DACT2: variants seen among roughly 807,000 people sequenced by gnomAD.
The protein encoded by DACT2 is dapper homolog 2.
In DACT2, 20 loss-of-function variants were observed where a neutral mutation model predicts 22.2. The ratio of observed to expected loss-of-function variants is 0.90; its 90% confidence interval spans 0.63 to 1.31. The LOEUF is 1.31. DACT2 is among the 50% of genes most tolerant of loss of function. The pLI, the probability that DACT2 is intolerant of heterozygous loss-of-function variation, is 0.00. For synonymous variants in DACT2, 463 were observed against 479.8 expected, an observed-to-expected ratio of 0.96 and a Z score of 0.46; for missense variants, 1,048 against 1,061.4, an observed-to-expected ratio of 0.99 and a Z score of 0.18.
intron 1 of DACT2, among the ~76,000 whole-genome samples, chr6:168,311,693 CAT>C (rs1443367416): frequency 4.6e-5 from 7 of 152,094 alleles, no homozygotes; most frequent in African/African-American, 7.2e-5. Context: ...CACACACACA[CAT>C]ACACACATGG....
downstream of DACT2, among the ~76,000 whole-genome samples, chr6:168,305,120 G>A (rs920028574): frequency 6.6e-6 from 1 of 152,144 alleles, no homozygotes; most frequent in Non-Finnish European, 1.5e-5. Context: ...GAGAGAGGAT[G>A]GAGAGACAAG....
At position 168,307,821 on chromosome 6, in the gene DACT2, C is replaced by T. The variant is rs73789362; in HGVS notation, c.1936G>A (p.Gly646Ser). The change falls in exon 4 of 4, where the codon GGC (glycine) becomes AGC (serine). Residue 646 changes from glycine (G) to serine (S), a missense_variant. Gly to Ser is a moderately conservative substitution (Grantham distance 56). Coordinates refer to ENST00000366795, the MANE Select transcript of DACT2 (RefSeq NM_214462.5). The surrounding 1 kb of genome is among the most constrained non-coding windows in gnomAD (Gnocchi z 5.3). ...TCCTGGCGGACCAGTGAGGGACGGCCCCGGGCCAGTGGGCCACCTGCTCTC... is the reference window on the plus strand; with the variant it reads ...TCCTGGCGGACCAGTGAGGGACGGCTCCGGGCCAGTGGGCCACCTGCTCTC... ...ARRAGGPLAR[G>S]RPSLVRQDAY... 5.8e-6 allele frequency: 9 copies of T among 1,539,300 alleles called. No individual in the cohort carries two copies. In the South Asian group the frequency reaches 1.1e-4, roughly 18 times the overall value.
In DACT2 at chr6:168,319,505, T is replaced by A; in HGVS notation, c.129A>T (p.Val43=). 1 of 1,321,584 alleles carries A rather than the reference T, an allele frequency of 7.6e-7. No individual in the cohort carries two copies. The highest frequency in any genetic ancestry group is 9.7e-7 in the Non-Finnish European group (1 of 1,028,644). 81.9% of individuals were successfully genotyped at this position (1,321,584 alleles called of 1,614,324 possible). The change falls in exon 1 of 4, where the codon GTA becomes GTT. Residue 43 remains valine, a synonymous_variant. Coordinates refer to ENST00000366795, the MANE Select transcript of DACT2 (RefSeq NM_214462.5). ...QGLRATQQER[V]RGALALQPPP... The stretch of plus-strand genomic sequence containing the variant: ...GGGGCTGCAGGGCCAGGGCGCCCCG[T>A]ACCCGCTCCTGCTGCGTGGCTCGCA...
In DACT2 at chr6:168,308,187, C is replaced by A. The variant is rs562854255; in HGVS notation, c.1570G>T (p.Ala524Ser). The A allele has an allele frequency of 2.6e-6, 4 of 1,551,434 alleles. No individual in the cohort carries two copies. In the South Asian group the frequency reaches 4.8e-5, roughly 18 times the overall value. The change falls in exon 4 of 4, where the codon GCC becomes TCC. Residue 524 changes from alanine (A) to serine (S), a missense_variant. Physicochemically the swap from Ala to Ser is moderately conservative, Grantham distance 99 (BLOSUM62 1). Coordinates refer to ENST00000366795, the MANE Select transcript of DACT2 (RefSeq NM_214462.5). ...AGGGATGGCTGGGGGGCTGCATGGG[C>A]TCCCTCAGGCCTGTCCAGTAGAAGC... is the stretch of plus-strand genomic sequence containing the variant. ...PLLLLDRPEGAHAAPQPSLEW... is the reference protein window; with the variant it reads ...PLLLLDRPEGSHAAPQPSLEW...
intron 1 of DACT2, among the ~76,000 whole-genome samples, chr6:168,311,820 C>T (rs1779427478): frequency 1.3e-5 from 2 of 152,208 alleles, no homozygotes; most frequent in Admixed American, 1.3e-4. Context: ...AACAACACCT[C>T]CTTTTGGCAG....
Position 168,308,814 on chromosome 6 carries a change from T to C in DACT2, c.943A>G (p.Asn315Asp). 6.4e-7 allele frequency: 1 copy of C among 1,551,396 alleles called. No individual in the cohort carries two copies. The highest frequency in any genetic ancestry group is 1.2e-5 in the South Asian group (1 of 84,056). Reference protein sequence around the residue: ...RESPRGPAGLNTIQTGPVLEA... With the variant: ...RESPRGPAGLDTIQTGPVLEA... ...AGGACCGGCCCAGTCTGGATGGTGT[T>C]CAGACCTGCGGGGCCCCTGGGGCTC... Residue 315 changes from asparagine (N) to aspartate (D), a missense_variant, in exon 4 of 4, where the codon AAC becomes GAC. Coordinates refer to ENST00000366795, the MANE Select transcript of DACT2 (RefSeq NM_214462.5).
chr6:168,311,252 C>T lies in DACT2; in HGVS notation c.279G>A (p.Lys93=), dbSNP rs1489419674. ...GCAGGTCCAGCTGGTCCAGGTGGGT[C>T]TTCAGGCCGATGTCCTGTTGTCTCA... is the stretch of plus-strand genomic sequence containing the variant. ...SRLRQQDIGL[K]THLDQLDLQI... Residue 93 remains lysine (K), a synonymous_variant, in exon 2 of 4, where the codon AAG becomes AAA. Coordinates refer to ENST00000366795, the MANE Select transcript of DACT2 (RefSeq NM_214462.5). 6.4e-7 allele frequency: 1 copy of T among 1,550,558 alleles called. No homozygotes were observed. The highest frequency in any genetic ancestry group is 2.4e-5 in the East Asian group (1 of 40,880).
chr6:168,316,054 C>G (rs952550441), intron 1 of DACT2, among the ~76,000 whole-genome samples: 2 of 152,232 alleles, frequency 1.3e-5, no homozygotes, highest in African/African-American at 4.8e-5. Context: ...AAAACAAAGT[C>G]TGCGTGTTCC....
chr6:168,295,715 T>C (rs911918391), intron 3 of DACT2, among the ~76,000 whole-genome samples: 1 of 152,214 alleles, frequency 6.6e-6, no homozygotes, highest in Non-Finnish European at 1.5e-5. Context: ...CAGAGGCTTT[T>C]CACTTGACAA....
At chr6:168,304,787 G>C (rs1779171189), downstream of DACT2, among the ~76,000 whole-genome samples, 1 of 152,216 alleles carries the variant, frequency 6.6e-6, no homozygotes. Context: ...GGCCAGGCGG[G>C]ATGGGAACTG....
chr6:168,305,591 G>C (rs1342707516), downstream of DACT2, among the ~76,000 whole-genome samples: 5 of 140,812 alleles, frequency 3.6e-5, no homozygotes, highest in South Asian at 9.4e-4. Context: ...GAACTTCCTA[G>C]CCACGTCTTC....
chr6:168,311,829 AG>A (rs1779427857), intron 1 of DACT2, among the ~76,000 whole-genome samples: 1 of 152,230 alleles, frequency 6.6e-6, no homozygotes, highest in Admixed American at 6.5e-5. Flanking sequence ...TCCTTTTGGC[AG>A]ACAGGAACTA....
downstream of DACT2, among the ~76,000 whole-genome samples, chr6:168,302,456 G>A (rs1779128330): frequency 6.6e-6 from 1 of 152,160 alleles, no homozygotes; most frequent in Admixed American, 6.5e-5. Context: ...CATTTCCAGG[G>A]CACCTTTTGA....
chr6:168,300,109 G>T, intron 3 of DACT2: 1 of 152,414 alleles, frequency 6.6e-6, no homozygotes. Flanking sequence ...AGGCCAATGC[G>T]CTGGAGGCAC....
chr6:168,311,215 G>T lies in DACT2; in HGVS notation c.316C>A (p.Leu106Met). ...LDQLDLQISK[L>M]QLDVGTASGE... ...GAGGCTGTGCCCACATCCAGCTGCA[G>T]CTTGCTAATCTGCAGGTCCAGCTGG... Residue 106 changes from leucine (L) to methionine (M), a missense_variant, in exon 2 of 4, where the codon CTG becomes ATG. Coordinates refer to ENST00000366795, the MANE Select transcript of DACT2 (RefSeq NM_214462.5). 1 of 1,550,474 alleles carries T rather than the reference G, an allele frequency of 6.4e-7. No individual in the cohort carries two copies. The highest frequency in any genetic ancestry group is 2.0e-5 in the Admixed American group (1 of 50,980).
At chr6:168,302,612 C>CTATG (rs1779130491), downstream of DACT2, among the ~76,000 whole-genome samples, 1 of 152,164 alleles carries the variant, frequency 6.6e-6, no homozygotes, top group Non-Finnish European at 1.5e-5. Flanking sequence ...GAGCCCAAGG[C>CTATG]TATGTGAGGG....
At chr6:168,306,754 C>G, downstream of DACT2, 2 of 536,614 alleles carry the variant, frequency 3.7e-6, no homozygotes, top group Non-Finnish European at 4.8e-6. Context: ...CCGGCCTATG[C>G]TTTACTTTTT....
chr6:168,293,975 A>T lies in DACT2; in HGVS notation c.796-34T>A, dbSNP rs57129832. 6 of 703,180 alleles carry T rather than the reference A, an allele frequency of 8.5e-6. No homozygotes were observed. The African/African-American group carries it at 1.0e-4, about 12-fold the overall frequency. 43.6% of individuals were successfully genotyped at this position (703,180 alleles called of 1,614,324 possible). ...GACGTCCCCAGGGATGACAGAGATTACTTGTGAGTAGAGGAGGTCCATCCA... is the reference window on the plus strand; with the variant it reads ...GACGTCCCCAGGGATGACAGAGATTTCTTGTGAGTAGAGGAGGTCCATCCA... On this transcript the variant is annotated intron_variant, in intron 5 of 5. Coordinates refer to the DACT2 transcript ENST00000366796.
In DACT2 at chr6:168,307,899, G is replaced by T. The variant is rs904090536; in HGVS notation, c.1858C>A (p.Arg620Ser). Residue 620 changes from arginine (R) to serine (S), a missense_variant, in exon 4 of 4, where the codon CGC becomes AGC. By Grantham distance (110) the Arg-to-Ser change is moderately radical. Coordinates refer to ENST00000366795, the MANE Select transcript of DACT2 (RefSeq NM_214462.5). This position sits in a 1 kb window ranked among gnomAD's most constrained non-coding sequence, Gnocchi z 5.3. Reference protein sequence around the residue: ...QSTVEISARARLASCPESNLG... With the variant: ...QSTVEISARASLASCPESNLG... ...TTAGACTCAGGACAGCTGGCCAGGC[G>T]GGCCCGGGCCGAGATCTCCACGGTG... is the stretch of plus-strand genomic sequence containing the variant. The T allele has an allele frequency of 7.2e-7, 1 of 1,385,322 alleles. No homozygotes were observed. The highest frequency in any genetic ancestry group is 9.4e-7 in the Non-Finnish European group (1 of 1,066,674). The allele number at this position is 1,385,322 out of a possible 1,614,324, so 85.8% of individuals were successfully genotyped here.
Sources: allele counts gnomAD v4.1 joint callset (sites outside exome capture counted in the v4.1 genomes callset), GRCh38; gene constraint gnomAD v4.1.1; non-coding constraint Gnocchi (gnomAD v3.1); transcripts MANE v1.5; gene names NCBI Gene and HGNC (gene_info 2026-07-23, HGNC 2026-07-21).